Variants in EVI5 observed in about 807,000 individuals in gnomAD.
The protein encoded by EVI5 is ecotropic viral integration site 5, also known as ecotropic viral integration site 5 protein homolog.
EVI5 carries 73 observed loss-of-function variants against 112.0 expected under a neutral mutation model. The ratio of observed to expected loss-of-function variants is 0.65; its 90% CI spans 0.54 to 0.79. The LOEUF is 0.79. EVI5 is among the 30% of genes least tolerant of loss of function. EVI5 has a pLI of 0.00. For synonymous variants in EVI5, 305 were observed against 319.9 expected, an observed-to-expected ratio of 0.95 and a Z score of 0.50; for missense variants, 900 against 968.8, an observed-to-expected ratio of 0.93 and a Z score of 0.94.
At chr1:92,669,669 A>T (rs1665535570) in intron 10 of EVI5, among the ~76,000 whole-genome samples, 1 of 150,884 alleles carries the variant, frequency 6.6e-6, no homozygotes, top group South Asian at 2.1e-4. Flanking sequence ...GTTAGGTCCT[A>T]TTCTATTTTT....
At chr1:92,568,328 T>A (rs981003980) in intron 18 of EVI5, among the ~76,000 whole-genome samples, 24 of 149,178 alleles carry the variant, frequency 1.6e-4, no homozygotes, top group Non-Finnish European at 3.1e-4. Flanking sequence ...GTGAGTTGTG[T>A]TCATGTCGCT....
chr1:92,520,000 T>C (rs1270276778), intron 19 of EVI5, among the ~76,000 whole-genome samples: 1 of 151,540 alleles, frequency 6.6e-6, no homozygotes, highest in Non-Finnish European at 1.5e-5. Flanking sequence ...GCAAATCTTA[T>C]AGAGACAGAA....
chr1:92,605,543 C>T, intron 17 of EVI5, 141 bp from the exon 18 acceptor site: 2 of 590,510 alleles, frequency 3.4e-6, no homozygotes, highest in Non-Finnish European at 6.0e-6. Context: ...AAACAATATG[C>T]TCAATACATA....
chr1:92,615,770 G>C (rs1227678956), intron 16 of EVI5, among the ~76,000 whole-genome samples: 1 of 152,116 alleles, frequency 6.6e-6, no homozygotes, highest in African/African-American at 2.4e-5. Flanking sequence ...TTTGCTTCTA[G>C]ACCTATAACT....
At chr1:92,722,879 T>C (rs1161689901) in intron 2 of EVI5, among the ~76,000 whole-genome samples, 1 of 152,106 alleles carries the variant, frequency 6.6e-6, no homozygotes, top group East Asian at 1.9e-4. Flanking sequence ...CCACAAAAAG[T>C]TATGTGGCAC....
intron 17 of EVI5, 40 bp downstream of exon 17, chr1:92,607,541 A>T: frequency 7.0e-7 from 1 of 1,434,498 alleles, no homozygotes; most frequent in Non-Finnish European, 9.4e-7. Flanking sequence ...AGGCATTATT[A>T]TATTGACAAA....
In EVI5 at chr1:92,639,952, A is replaced by G. The variant is rs117536150; in HGVS notation, c.1393-3616T>C. Among the ~76,000 whole-genome samples, 283 of 152,312 alleles carry G rather than the reference A, an allele frequency of 1.9e-3. 1 individual carries two copies. Among genetic ancestry groups the G allele is most frequent in the East Asian group, 0.013 (69 of 5,190 alleles). ...CAATGGAACAAAACAGAGACCTGAG[A>G]AATAACACCGTACTTCTACAACCAT... On this transcript the variant is annotated intron_variant, in intron 13 of 19. Transcript: ENST00000684568.
chr1:92,542,677 C>A (rs531987865), intron 19 of EVI5, among the ~76,000 whole-genome samples: 1 of 151,940 alleles, frequency 6.6e-6, no homozygotes. Context: ...TGTAATGGAG[C>A]CTTATGAAAT....
intron 12 of EVI5, 21 bp downstream of exon 12, chr1:92,663,398 TA>T: frequency 2.2e-6 from 3 of 1,344,076 alleles, no homozygotes; most frequent in Non-Finnish European, 3.0e-6. Context: ...TTTAAAAAAC[TA>T]AAACAAAACA....
At chr1:92,746,925 A>AAGTATAAGT (rs1349746789) in intron 1 of EVI5, among the ~76,000 whole-genome samples, 2 of 151,946 alleles carry the variant, frequency 1.3e-5, no homozygotes, top group Non-Finnish European at 2.9e-5. Flanking sequence ...TTTAAAAAAG[A>AAGTATAAGT]AGTATAAGTG....
intron 13 of EVI5, among the ~76,000 whole-genome samples, chr1:92,654,204 C>T (rs1306770177): frequency 6.6e-6 from 1 of 152,126 alleles, no homozygotes; most frequent in Admixed American, 6.5e-5. Flanking sequence ...AAAGATCAAG[C>T]ACCTGTCCAT....
intron 2 of EVI5, among the ~76,000 whole-genome samples, chr1:92,706,093 T>A (rs1671918922): frequency 6.6e-6 from 1 of 152,080 alleles, no homozygotes; most frequent in African/African-American, 2.4e-5. Context: ...TTTAATATAT[T>A]TTCATGGCAA....
At chr1:92,670,989 AC>A (rs969446305) in intron 10 of EVI5, among the ~76,000 whole-genome samples, 1 of 151,842 alleles carries the variant, frequency 6.6e-6, no homozygotes, top group African/African-American at 2.4e-5. Flanking sequence ...AATTTTTCCT[AC>A]TTGATTATCA....
At chr1:92,515,619 C>T (rs1037462350) in intron 19 of EVI5, among the ~76,000 whole-genome samples, 4 of 152,226 alleles carry the variant, frequency 2.6e-5, no homozygotes, top group Non-Finnish European at 5.9e-5. Flanking sequence ...ATATGCTCCA[C>T]GTCTCCTACC....
chr1:92,784,086 G>C (rs925811261), intron 1 of EVI5, among the ~76,000 whole-genome samples: 2 of 152,164 alleles, frequency 1.3e-5, no homozygotes, highest in Non-Finnish European at 2.9e-5. Flanking sequence ...ACCAGCAATA[G>C]ATAGGAGGAA....
Position 92,678,842 on chromosome 1 carries a change from A to G in EVI5, c.1098-1624T>C, listed in dbSNP as rs533170032. ...CAGAAATCTATTACTTATCTCATTT[A>G]GCTCACAACAACTTTTTAATATAAG... On this transcript the variant is annotated intron_variant, in intron 9 of 19. Coordinates refer to ENST00000684568, the MANE Select transcript of EVI5 (RefSeq NM_001350197.2). 1.7e-3 allele frequency among the ~76,000 whole-genome samples: 261 copies of G among 152,340 alleles called. 1 individual carries two copies. Among genetic ancestry groups the G allele is most frequent in the African/African-American group, 5.6e-3 (232 of 41,590 alleles).
chr1:92,592,895 C>G (rs940450642), intron 18 of EVI5, among the ~76,000 whole-genome samples: 3 of 152,152 alleles, frequency 2.0e-5, no homozygotes, highest in Non-Finnish European at 4.4e-5. Flanking sequence ...CTGAATAGAC[C>G]AATAACAGGC....
In EVI5 at chr1:92,563,663, C is replaced by T; in HGVS notation, c.2145G>A (p.Gln715=). The T allele has an allele frequency of 6.3e-7, 1 of 1,596,266 alleles. No homozygotes were observed. The highest frequency in any genetic ancestry group is 8.6e-7 in the Non-Finnish European group (1 of 1,166,456). The change falls in exon 19 of 20, where the codon CAG becomes CAA. Residue 715 remains glutamine (Q), a synonymous_variant. Transcript: ENST00000684568. ...SNQYIGELKD[Q]IAELNHELRC... ...TTACCTCATGATTCAGCTCTGCTATCTGATCTTTCAGTTCCCCAATATACT... is the reference window on the plus strand; with the variant it reads ...TTACCTCATGATTCAGCTCTGCTATTTGATCTTTCAGTTCCCCAATATACT...
chr1:92,534,338 G>A (rs1351906130), intron 19 of EVI5, among the ~76,000 whole-genome samples: 2 of 152,148 alleles, frequency 1.3e-5, no homozygotes, highest in African/African-American at 4.8e-5. Flanking sequence ...TCAATATTGT[G>A]ACAATGGCCA....
Sources: gnomAD v4.1 joint callset for allele counts (sites outside exome capture counted in the v4.1 genomes callset) on GRCh38, gnomAD v4.1.1 for gene constraint, MANE v1.5 for transcripts, NCBI Gene and HGNC (gene_info 2026-07-23, HGNC 2026-07-21) for gene names.